Variants in FGF14 observed in about 807,000 individuals in gnomAD.
FGF14 encodes the protein fibroblast growth factor 14.
A neutral mutation model predicts 25.5 loss-of-function variants in FGF14; 5 were observed. The ratio of observed to expected loss-of-function variants is 0.20; its 90% CI spans 0.10 to 0.41. FGF14 has a LOEUF of 0.41. FGF14 is among the 10% of genes least tolerant of loss of function. The pLI, the probability that FGF14 is intolerant of heterozygous loss-of-function variation, is 1.00. For missense variants in FGF14, 222 were observed against 320.1 expected (o/e 0.69, Z 2.34); for synonymous variants, 138 against 118.3 (o/e 1.17, Z -1.08).
At chr13:102,105,758 G>T (rs989942778) in intron 1 of FGF14, among the ~76,000 whole-genome samples, 7 of 152,170 alleles carry the variant, frequency 4.6e-5, no homozygotes, top group African/African-American at 1.7e-4. Context: ...AATAGGAACT[G>T]CCTGTCATTT....
At chr13:102,320,844 A>G (rs2056216795) in intron 1 of FGF14, among the ~76,000 whole-genome samples, 1 of 152,196 alleles carries the variant, frequency 6.6e-6, no homozygotes. Context: ...GAACTCTTTA[A>G]GGAGCAATAC....
intron 1 of FGF14, among the ~76,000 whole-genome samples, chr13:102,310,324 T>A (rs765944861): frequency 7.2e-5 from 11 of 152,168 alleles, no homozygotes; most frequent in Admixed American, 3.3e-4. Flanking sequence ...TTAGAGTATA[T>A]TTTTACTGTT....
At chr13:102,085,630 C>A (rs756657502) in intron 1 of FGF14, among the ~76,000 whole-genome samples, 4 of 152,172 alleles carry the variant, frequency 2.6e-5, no homozygotes, top group Non-Finnish European at 2.9e-5. Flanking sequence ...ATTTCTCTGA[C>A]AATGTATTAT....
intron 1 of FGF14, among the ~76,000 whole-genome samples, chr13:102,336,818 T>C (rs1264909863): frequency 2.0e-5 from 3 of 152,208 alleles, no homozygotes; most frequent in Non-Finnish European, 4.4e-5. Context: ...TCAAGAATTA[T>C]GTACCTGTCC....
rs2034677187 is a variant in FGF14 at position 101,715,504 on chromosome 13, A to G, written c.*7327T>C. ...GTGGACACTTGTGATTTATAATAGCATGTTTAAATTTGGCACATTTTGATC... is the reference window on the plus strand; with the variant it reads ...GTGGACACTTGTGATTTATAATAGCGTGTTTAAATTTGGCACATTTTGATC... On this transcript the variant is annotated 3_prime_UTR_variant, in exon 5 of 5. Transcript: ENST00000376143. 8 of 1,101,130 alleles carry G rather than the reference A, an allele frequency of 7.3e-6. No homozygotes were observed. Among genetic ancestry groups the G allele is most frequent in the Non-Finnish European group, 9.8e-6 (7 of 712,944 alleles). The allele number at this position is 1,101,130 out of a possible 1,614,324, so 68.2% of individuals were successfully genotyped here.
chr13:101,924,704 T>A (rs1237245659), intron 1 of FGF14, among the ~76,000 whole-genome samples: 1 of 152,194 alleles, frequency 6.6e-6, no homozygotes, highest in African/African-American at 2.4e-5. Context: ...GAAGTGGACA[T>A]CATGATCTCT....
intron 1 of FGF14, among the ~76,000 whole-genome samples, chr13:102,048,409 T>G (rs1404636626): frequency 6.6e-6 from 1 of 152,196 alleles, no homozygotes. Flanking sequence ...ACGGTAACTA[T>G]CATTTTTTGT....
At chr13:102,263,256 T>C (rs1156606665) in intron 1 of FGF14, 4 of 359,992 alleles carry the variant, frequency 1.1e-5, no homozygotes, top group Non-Finnish European at 2.1e-5. Flanking sequence ...AAGGACGATT[T>C]ATTTTAAAAA....
intron 1 of FGF14, among the ~76,000 whole-genome samples, chr13:101,933,301 G>C (rs1394671916): frequency 2.0e-5 from 3 of 152,148 alleles, no homozygotes; most frequent in Admixed American, 1.3e-4. Context: ...AATAATGGGA[G>C]GTTAGAGGTT....
At chr13:101,724,541 T>C in intron 4 of FGF14, among the ~76,000 whole-genome samples, 1 of 149,664 alleles carries the variant, frequency 6.7e-6, no homozygotes, top group African/African-American at 2.5e-5. Context: ...TGTATACATA[T>C]GTCACAAACC....
At chr13:102,238,125 T>C (rs559033185) in intron 1 of FGF14, among the ~76,000 whole-genome samples, 11 of 152,258 alleles carry the variant, frequency 7.2e-5, no homozygotes, top group Non-Finnish European at 1.0e-4. Context: ...AATGAAATAA[T>C]TGGAACATAA....
intron 1 of FGF14, among the ~76,000 whole-genome samples, chr13:102,202,641 T>C (rs2049715960): frequency 6.6e-6 from 1 of 152,220 alleles, no homozygotes; most frequent in Admixed American, 6.5e-5. Flanking sequence ...GTTGCTACCT[T>C]TTGAAGCCTC....
chr13:101,797,735 ATGTGTGTGTGTGTG>A (rs1555384521), intron 3 of FGF14, among the ~76,000 whole-genome samples: 524 of 34,082 alleles, frequency 0.015, 5 homozygotes, highest in Middle Eastern at 0.037. Flanking sequence ...TCATGAATTG[ATGTGTGTGTGTGTG>A]TGTGTGTGTG....
At chr13:102,369,973 C>A (rs560990974) in intron 1 of FGF14, among the ~76,000 whole-genome samples, 10 of 152,074 alleles carry the variant, frequency 6.6e-5, no homozygotes, top group African/African-American at 2.4e-4. Context: ...GCATTGAATT[C>A]TTTAACTATC....
chr13:101,789,178 T>A (rs1004747099), intron 3 of FGF14, among the ~76,000 whole-genome samples: 1 of 151,776 alleles, frequency 6.6e-6, no homozygotes, highest in African/African-American at 2.4e-5. Flanking sequence ...CCATTCAAAT[T>A]TTTCAGTATC....
chr13:101,877,493 G>T lies in FGF14; in HGVS notation c.194-2197C>A, dbSNP rs1187771685. 3.3e-5 allele frequency among the ~76,000 whole-genome samples: 5 copies of T among 151,996 alleles called. No homozygotes were observed. In the South Asian group the frequency reaches 1.0e-3, roughly 32 times the overall value. ...ATTAAGTAGTAATAATATGACAAAGGGTACATAACCAGTAAGTTAACAGCT... is the reference window on the plus strand; with the variant it reads ...ATTAAGTAGTAATAATATGACAAAGTGTACATAACCAGTAAGTTAACAGCT... On this transcript the variant is annotated intron_variant, in intron 1 of 4. Transcript: ENST00000376143.
At chr13:102,230,860 T>C (rs372679379) in intron 1 of FGF14, among the ~76,000 whole-genome samples, 30 of 152,326 alleles carry the variant, frequency 2.0e-4, no homozygotes, top group African/African-American at 6.7e-4. Context: ...TAATTATAGA[T>C]GGATAAAGCC....
intron 1 of FGF14, among the ~76,000 whole-genome samples, chr13:102,370,752 C>A (rs182618520): frequency 6.6e-6 from 1 of 152,182 alleles, no homozygotes; most frequent in African/African-American, 2.4e-5. Context: ...GAAGTACAGA[C>A]ACACAAATGC....
intron 1 of FGF14, among the ~76,000 whole-genome samples, chr13:102,377,042 C>G (rs1339366005): frequency 1.3e-5 from 2 of 151,778 alleles, no homozygotes; most frequent in East Asian, 3.9e-4. Flanking sequence ...CTACAAGGTC[C>G]TTGAAAAAGG....
Sources: allele counts gnomAD v4.1 joint callset (sites outside exome capture counted in the v4.1 genomes callset), GRCh38; gene constraint gnomAD v4.1.1; transcripts MANE v1.5; gene names NCBI Gene and HGNC (gene_info 2026-07-23, HGNC 2026-07-21).